FSTL5: variants seen among roughly 807,000 people sequenced by gnomAD.
The protein encoded by FSTL5 is follistatin like 5.
A neutral mutation model predicts 89.1 loss-of-function variants in FSTL5; 62 were observed. The ratio of observed to expected loss-of-function variants is 0.70; its 90% CI spans 0.57 to 0.86. The LOEUF is 0.86. FSTL5 is among the 40% of genes least tolerant of loss of function. The pLI is 0.00. For missense variants in FSTL5, 1,057 were observed against 1,001.6 expected (o/e 1.06, Z -0.75); for synonymous variants, 383 against 346.2 (o/e 1.11, Z -1.18).
chr4:161,901,447 G>T (rs951532247), intron 4 of FSTL5, among the ~76,000 whole-genome samples: 1 of 152,090 alleles, frequency 6.6e-6, no homozygotes, highest in Non-Finnish European at 1.5e-5. Flanking sequence ...AGTGATAAGA[G>T]TGATGCAAGA....
At chr4:161,621,512 G>A (rs1051268228) in intron 7 of FSTL5, among the ~76,000 whole-genome samples, 1 of 151,924 alleles carries the variant, frequency 6.6e-6, no homozygotes, top group African/African-American at 2.4e-5. Flanking sequence ...GAACAAACCA[G>A]CAAGTTAAAC....
chr4:162,006,034 C>A (rs528969123), intron 3 of FSTL5, among the ~76,000 whole-genome samples: 1 of 152,094 alleles, frequency 6.6e-6, no homozygotes, highest in East Asian at 1.9e-4. Flanking sequence ...TAACTAGTGA[C>A]AGCTATACAC....
intron 2 of FSTL5, among the ~76,000 whole-genome samples, chr4:162,034,302 C>A (rs1737650263): frequency 6.6e-6 from 1 of 152,112 alleles, no homozygotes; most frequent in Non-Finnish European, 1.5e-5. Context: ...AATTTGCTTT[C>A]AATGGCTCTA....
chr4:161,892,658 C>T (rs1031995118), intron 4 of FSTL5, among the ~76,000 whole-genome samples: 1 of 151,966 alleles, frequency 6.6e-6, no homozygotes, highest in African/African-American at 2.4e-5. Context: ...TCAGTAATTT[C>T]CACATCACAG....
At chr4:161,624,853 C>T (rs185593295) in intron 7 of FSTL5, among the ~76,000 whole-genome samples, 1 of 152,100 alleles carries the variant, frequency 6.6e-6, no homozygotes, top group Non-Finnish European at 1.5e-5. Context: ...TGAATTTGGA[C>T]ATATTTGCTG....
At chr4:161,516,782 T>C (rs1217694301) in intron 10 of FSTL5, among the ~76,000 whole-genome samples, 1 of 150,048 alleles carries the variant, frequency 6.7e-6, no homozygotes, top group Non-Finnish European at 1.5e-5. Flanking sequence ...TCAATGTCCT[T>C]AGTATAGCAC....
At chr4:161,799,474 C>T (rs920463939) in intron 4 of FSTL5, among the ~76,000 whole-genome samples, 2 of 151,552 alleles carry the variant, frequency 1.3e-5, no homozygotes, top group African/African-American at 2.4e-5. Context: ...TTTGCCTGAA[C>T]TGTTTTGATG....
At chr4:161,472,094 A>G (rs560463451) in intron 13 of FSTL5, among the ~76,000 whole-genome samples, 4 of 151,390 alleles carry the variant, frequency 2.6e-5, no homozygotes, top group African/African-American at 9.7e-5. Flanking sequence ...CTCCTGCCTC[A>G]GCCTCCAGAG....
At chr4:161,507,650 G>A (rs539682508) in intron 11 of FSTL5, among the ~76,000 whole-genome samples, 44 of 151,878 alleles carry the variant, frequency 2.9e-4, no homozygotes, top group African/African-American at 1.1e-3. Flanking sequence ...AAGATGAGTA[G>A]AAAGCTGAAA....
chr4:161,720,893 G>A (rs1739176505), intron 6 of FSTL5, among the ~76,000 whole-genome samples: 1 of 152,158 alleles, frequency 6.6e-6, no homozygotes, highest in Non-Finnish European at 1.5e-5. Context: ...ATTGGTCAAA[G>A]GGTACAGCAT....
intron 7 of FSTL5, among the ~76,000 whole-genome samples, chr4:161,633,173 C>G (rs181245115): frequency 1.3e-5 from 2 of 151,542 alleles, no homozygotes; most frequent in Non-Finnish European, 2.9e-5. Context: ...ATTAAAATAG[C>G]AAAAATATTT....
rs545147123 is a variant in FSTL5 at position 161,728,622 on chromosome 4, A to T, written c.727+30789T>A. Among the ~76,000 whole-genome samples the T allele has an allele frequency of 7.0e-4, 106 of 152,298 alleles. 1 individual carries two copies. Among genetic ancestry groups the T allele is most frequent in the Non-Finnish European group, 1.2e-3 (84 of 68,014 alleles). ...TATGATGACAAAGAAGATAATCAAT[A>T]TTCAACCCTAATACTGAATACATAA... On this transcript the variant is annotated intron_variant, in intron 6 of 15. Transcript: ENST00000306100.
At chr4:161,662,437 T>G (rs1004755607) in intron 6 of FSTL5, among the ~76,000 whole-genome samples, 1 of 152,140 alleles carries the variant, frequency 6.6e-6, no homozygotes, top group African/African-American at 2.4e-5. Flanking sequence ...ATAATAGAAC[T>G]ATAAACATTA....
intron 4 of FSTL5, among the ~76,000 whole-genome samples, chr4:161,894,057 TG>T (rs1733076184): frequency 6.6e-6 from 1 of 152,170 alleles, no homozygotes; most frequent in Non-Finnish European, 1.5e-5. Context: ...TGATCAAAGT[TG>T]GGGGCTGGTA....
chr4:162,101,521 T>A (rs12647186), intron 2 of FSTL5, among the ~76,000 whole-genome samples: 33,558 of 152,108 alleles, frequency 0.22, 4,306 homozygotes, highest in East Asian at 0.41. Flanking sequence ...GCTGAAAAGT[T>A]TGTGGCTGTG....
intron 6 of FSTL5, among the ~76,000 whole-genome samples, chr4:161,685,905 C>T (rs768945369): frequency 1.3e-5 from 2 of 152,026 alleles, no homozygotes; most frequent in East Asian, 3.9e-4. Context: ...TCATAGTTGG[C>T]TTTTATTACA....
chr4:161,820,019 A>C (rs1196910854), intron 4 of FSTL5, among the ~76,000 whole-genome samples: 1 of 152,012 alleles, frequency 6.6e-6, no homozygotes, highest in Non-Finnish European at 1.5e-5. Context: ...TTAAACTTTT[A>C]CTTTATTATG....
At chr4:162,024,138 T>C (rs1298101889) in intron 3 of FSTL5, among the ~76,000 whole-genome samples, 1 of 152,180 alleles carries the variant, frequency 6.6e-6, no homozygotes, top group Non-Finnish European at 1.5e-5. Context: ...ATATGCAAAC[T>C]TTATTTAAAA....
intron 7 of FSTL5, among the ~76,000 whole-genome samples, chr4:161,593,280 C>A (rs938724666): frequency 5.9e-5 from 9 of 151,932 alleles, no homozygotes; most frequent in African/African-American, 2.2e-4. Flanking sequence ...AGGATAGTAT[C>A]CACTGACTTA....
Sources: allele counts gnomAD v4.1 joint callset (sites outside exome capture counted in the v4.1 genomes callset), GRCh38; gene constraint gnomAD v4.1.1; transcripts MANE v1.5; gene names NCBI Gene and HGNC (gene_info 2026-07-23, HGNC 2026-07-21).